The following SNTG2 variants were observed in gnomAD, a reference collection of about 807,000 sequenced individuals.
SNTG2 encodes the protein gamma-2-syntrophin.
A neutral mutation model predicts 70.9 loss-of-function variants in SNTG2; 74 were observed. That is an observed-to-expected ratio of 1.04 (90% CI 0.86 to 1.27). The LOEUF (loss-of-function observed/expected upper bound fraction) is 1.27, where lower values mean the gene tolerates loss of function less well. Among genes scored for constraint, SNTG2 ranks in the 50% most tolerant of loss-of-function variants. SNTG2 has a pLI of 0.00. For synonymous variants in SNTG2, 278 were observed against 273.8 expected (o/e 1.02, Z -0.15); for missense variants, 717 against 690.7 (o/e 1.04, Z -0.43).
chr2:1,319,865 A>G (rs1336180578), intron 16 of SNTG2, among the ~76,000 whole-genome samples: 3 of 152,244 alleles, frequency 2.0e-5, no homozygotes, highest in South Asian at 2.1e-4. Flanking sequence ...TGAAAACTCT[A>G]GAAGCTAATG....
At chr2:986,968 G>A (rs546229937) in intron 1 of SNTG2, among the ~76,000 whole-genome samples, 46 of 152,256 alleles carry the variant, frequency 3.0e-4, no homozygotes, top group Middle Eastern at 3.4e-3. Flanking sequence ...TTCGATTATC[G>A]TTATATATGT....
chr2:1,334,709 C>T (rs1177670378), intron 16 of SNTG2, among the ~76,000 whole-genome samples: 1 of 152,092 alleles, frequency 6.6e-6, no homozygotes, highest in African/African-American at 2.4e-5. Context: ...CCAAATATCA[C>T]GTTCTCATTC....
At chr2:1,092,006 C>G (rs902917892) in intron 2 of SNTG2, among the ~76,000 whole-genome samples, 2 of 152,120 alleles carry the variant, frequency 1.3e-5, no homozygotes, top group African/African-American at 4.8e-5. Flanking sequence ...TGAAAAATGC[C>G]TTATAGAGTG....
At chr2:1,233,190 A>G (rs1676377272) in intron 9 of SNTG2, among the ~76,000 whole-genome samples, 1 of 152,192 alleles carries the variant, frequency 6.6e-6, no homozygotes, top group Non-Finnish European at 1.5e-5. Flanking sequence ...ACGAGCAATT[A>G]AGAATTCTCA....
intron 12 of SNTG2, among the ~76,000 whole-genome samples, chr2:1,254,510 AATT>A (rs750689540): frequency 4.6e-5 from 6 of 131,778 alleles, no homozygotes; most frequent in Admixed American, 7.0e-5. Context: ...CATATGCAAG[AATT>A]ATTAGCAATT....
intron 9 of SNTG2, among the ~76,000 whole-genome samples, chr2:1,235,635 G>T (rs181032809): frequency 1.4e-5 from 2 of 145,838 alleles, no homozygotes; most frequent in Non-Finnish European, 3.1e-5. Flanking sequence ...AGGCACCCCC[G>T]ATTCATGAGA....
At chr2:1,139,389 G>A (rs1024293546) in intron 6 of SNTG2, among the ~76,000 whole-genome samples, 1 of 152,134 alleles carries the variant, frequency 6.6e-6, no homozygotes, top group African/African-American at 2.4e-5. Flanking sequence ...CCACCACCAT[G>A]CCTGGTTAAT....
At chr2:1,249,533 C>A (rs1418216388) in intron 12 of SNTG2, among the ~76,000 whole-genome samples, 1 of 152,158 alleles carries the variant, frequency 6.6e-6, no homozygotes, top group Non-Finnish European at 1.5e-5. Context: ...GGTCTTCTTC[C>A]CCGGTGGGAA....
At chr2:1,255,885 A>ATATATAAAT (rs1678059643) in intron 12 of SNTG2, among the ~76,000 whole-genome samples, 7 of 90,476 alleles carry the variant, frequency 7.7e-5, no homozygotes, top group Admixed American at 1.5e-4. Flanking sequence ...TATATATATA[A>ATATATAAAT]ATATATATAA....
At chr2:1,225,835 C>T (rs185160914) in intron 9 of SNTG2, among the ~76,000 whole-genome samples, 2 of 152,194 alleles carry the variant, frequency 1.3e-5, no homozygotes, top group Non-Finnish European at 2.9e-5. Context: ...TCTTTCTCAT[C>T]TTTGACTCAG....
intron 2 of SNTG2, among the ~76,000 whole-genome samples, chr2:1,084,193 CCT>C (rs1393732194): frequency 2.6e-5 from 4 of 152,160 alleles, no homozygotes; most frequent in Non-Finnish European, 4.4e-5. Flanking sequence ...CTTAGGAGAC[CCT>C]GTGTCTATTT....
chr2:951,360 G>A (rs577807157), intron 1 of SNTG2, among the ~76,000 whole-genome samples: 1 of 152,228 alleles, frequency 6.6e-6, no homozygotes, highest in Non-Finnish European at 1.5e-5. Context: ...CCTTTACTGC[G>A]TGGGAAGTAG....
chr2:1,011,664 TTAATA>T (rs1330465280), intron 1 of SNTG2, among the ~76,000 whole-genome samples: 1 of 143,960 alleles, frequency 6.9e-6, no homozygotes, highest in Non-Finnish European at 1.5e-5. Flanking sequence ...TTAATATAAA[TTAATA>T]TAATTGCAGG....
At chr2:1,041,505 G>T (rs1462659851) in intron 1 of SNTG2, among the ~76,000 whole-genome samples, 1 of 152,174 alleles carries the variant, frequency 6.6e-6, no homozygotes, top group Non-Finnish European at 1.5e-5. Flanking sequence ...GTGATCTCCA[G>T]TGTTGGAGGT....
intron 1 of SNTG2, among the ~76,000 whole-genome samples, chr2:1,018,269 G>T (rs1416415265): frequency 2.6e-5 from 4 of 152,152 alleles, no homozygotes; most frequent in African/African-American, 9.7e-5. Flanking sequence ...ACATCATCTT[G>T]CAGAAAGTAG....
chr2:1,225,100 C>T (rs1000525238), intron 9 of SNTG2, among the ~76,000 whole-genome samples: 1 of 152,166 alleles, frequency 6.6e-6, no homozygotes, highest in Non-Finnish European at 1.5e-5. Flanking sequence ...GTATGTGTGT[C>T]CCTGCCTTAA....
At chr2:1,255,904 ATAAATATATATAT>A (rs1678074346) in intron 12 of SNTG2, among the ~76,000 whole-genome samples, 2 of 98,984 alleles carry the variant, frequency 2.0e-5, no homozygotes, top group African/African-American at 4.6e-5. Flanking sequence ...AAATATATAT[ATAAATATATATAT>A]AAATATATAA....
chr2:1,000,855 C>T (rs1173979706), intron 1 of SNTG2, among the ~76,000 whole-genome samples: 1 of 151,712 alleles, frequency 6.6e-6, no homozygotes, highest in Non-Finnish European at 1.5e-5. Context: ...AACATAGATG[C>T]AAAATCCTCA....
chr2:1,238,924 G>A (rs534862907), intron 10 of SNTG2, among the ~76,000 whole-genome samples: 1 of 152,276 alleles, frequency 6.6e-6, no homozygotes, highest in East Asian at 1.9e-4. Flanking sequence ...CCTTCTTCCT[G>A]TGGCTGCAAA....
Sources: gnomAD v4.1 joint callset for allele counts (sites outside exome capture counted in the v4.1 genomes callset) on GRCh38, gnomAD v4.1.1 for gene constraint, MANE v1.5 for transcripts, NCBI Gene and HGNC (gene_info 2026-07-23, HGNC 2026-07-21) for gene names.